COG6: variants seen among roughly 807,000 people sequenced by gnomAD.
COG6 encodes component of oligomeric golgi complex 6.
Under a neutral mutation model 88.8 loss-of-function variants are expected in COG6, and 74 were observed. The observed-to-expected ratio is 0.83, with a 90% confidence interval of 0.69 to 1.01. The LOEUF is 1.01. COG6 is among the 50% of genes least tolerant of loss of function. The probability of loss-of-function intolerance (pLI) is 0.00; values close to 1 mark genes in which losing one functional copy is unlikely to be tolerated. For missense variants in COG6, 800 were observed against 797.9 expected, an observed-to-expected ratio of 1.00 and a Z score of -0.03; for synonymous variants, 286 against 278.7, an observed-to-expected ratio of 1.03 and a Z score of -0.26.
intron 18 of COG6, among the ~76,000 whole-genome samples, chr13:39,770,411 A>C (rs976011795): frequency 3.3e-5 from 5 of 152,230 alleles, no homozygotes; most frequent in Non-Finnish European, 7.3e-5. Flanking sequence ...TGAGGTCCTC[A>C]AAGTTACATG....
At chr13:39,656,636 A>G (rs1289709802) in intron 1 of COG6, among the ~76,000 whole-genome samples, 2 of 152,124 alleles carry the variant, frequency 1.3e-5, no homozygotes, top group Non-Finnish European at 2.9e-5. Context: ...AGAGAGTTTT[A>G]TAGGTGAATA....
At chr13:39,761,091 G>A (rs964381992) in intron 18 of COG6, among the ~76,000 whole-genome samples, 4 of 151,836 alleles carry the variant, frequency 2.6e-5, no homozygotes, top group Non-Finnish European at 4.4e-5. Context: ...TCAACTCTAT[G>A]TATCAATTTG....
At chr13:39,669,394 C>A (rs1011284675) in intron 4 of COG6, among the ~76,000 whole-genome samples, 5 of 152,138 alleles carry the variant, frequency 3.3e-5, no homozygotes, top group Admixed American at 1.3e-4. Flanking sequence ...TTAAACTTTT[C>A]CTGTTCTCAG....
chr13:39,719,370 A>G lies in COG6; in HGVS notation c.1416+3A>G, dbSNP rs780721317. 3.7e-6 allele frequency: 6 copies of G among 1,611,462 alleles called. No homozygotes were observed. Among genetic ancestry groups the G allele is most frequent in the East Asian group, 4.5e-5 (2 of 44,754 alleles). On this transcript the variant is annotated splice_donor_region_variant and intron_variant, in intron 14 of 18. Transcript: ENST00000455146. ...CTCGTCAAGCTGATTTTGTGCAGGT[A>G]TGTTATAAATTCATTTTTAATGATT...
At chr13:39,663,515 A>G (rs1165960638) in intron 3 of COG6, among the ~76,000 whole-genome samples, 4 of 152,206 alleles carry the variant, frequency 2.6e-5, no homozygotes, top group Non-Finnish European at 4.4e-5. Context: ...TTAGCATTTA[A>G]GAAGTATGAG....
chr13:39,781,777 C>T (rs1047344663), intron 18 of COG6, among the ~76,000 whole-genome samples: 1 of 152,128 alleles, frequency 6.6e-6, no homozygotes, highest in African/African-American at 2.4e-5. Context: ...CCAAGTCCCT[C>T]CATGGTGCCT....
At chr13:39,763,109 C>G (rs1474398976) in intron 18 of COG6, among the ~76,000 whole-genome samples, 2 of 151,700 alleles carry the variant, frequency 1.3e-5, no homozygotes, top group Non-Finnish European at 3.0e-5. Context: ...CATTAAATCA[C>G]TCTTGCATTC....
rs550733008 is a variant in COG6, at chr13:39,672,300, C to T, written c.429-5168C>T. On this transcript the variant is annotated intron_variant, in intron 4 of 18. Coordinates refer to ENST00000455146, the MANE Select transcript of COG6 (RefSeq NM_020751.3). The stretch of plus-strand genomic sequence containing the variant: ...AACATCTTTGTTGAGATATAATTCA[C>T]ATATCATAAAATTAAAGTATATAGT... Among the ~76,000 whole-genome samples, 4 of 152,016 alleles carry T rather than the reference C, an allele frequency of 2.6e-5. No individual in the cohort carries two copies. In the South Asian group the frequency reaches 8.3e-4, roughly 32 times the overall value.
intron 18 of COG6, among the ~76,000 whole-genome samples, chr13:39,743,696 T>G (rs1345759853): frequency 1.3e-5 from 2 of 152,100 alleles, no homozygotes; most frequent in Non-Finnish European, 2.9e-5. Context: ...GCTGGTACCA[T>G]CCATTCTGAA....
chr13:39,718,374 G>C (rs1878651851), intron 13 of COG6, among the ~76,000 whole-genome samples: 1 of 151,996 alleles, frequency 6.6e-6, no homozygotes, highest in Non-Finnish European at 1.5e-5. Context: ...TCTTCTAAGT[G>C]CTATTTTTAA....
At chr13:39,686,287 A>C (rs964076541) in intron 8 of COG6, among the ~76,000 whole-genome samples, 1 of 152,140 alleles carries the variant, frequency 6.6e-6, no homozygotes, top group East Asian at 1.9e-4. Context: ...TTTTCTTTAT[A>C]CTTTTAAAAT....
intron 18 of COG6, among the ~76,000 whole-genome samples, chr13:39,777,187 G>A (rs1473522106): frequency 6.6e-6 from 1 of 152,162 alleles, no homozygotes; most frequent in African/African-American, 2.4e-5. Flanking sequence ...TAATGTAGTA[G>A]GGGAGATAAG....
At chr13:39,724,438 TA>T in intron 16 of COG6, 69 bp from the exon 17 acceptor site, 1 of 1,190,670 alleles carries the variant, frequency 8.4e-7, no homozygotes, top group South Asian at 1.3e-5. Context: ...CTATATTCAG[TA>T]AGTGAAATGA....
chr13:39,675,111 T>C (rs1380163937), intron 4 of COG6, among the ~76,000 whole-genome samples: 1 of 152,154 alleles, frequency 6.6e-6, no homozygotes, highest in African/African-American at 2.4e-5. Flanking sequence ...TTATATAATA[T>C]ACAGTGATTG....
chr13:39,757,784 C>T (rs921973738), intron 18 of COG6, among the ~76,000 whole-genome samples: 1 of 152,130 alleles, frequency 6.6e-6, no homozygotes, highest in Non-Finnish European at 1.5e-5. Context: ...AAACTCCCAA[C>T]AAGAACAAAG....
intron 4 of COG6, among the ~76,000 whole-genome samples, chr13:39,674,795 A>G (rs1055204799): frequency 9.2e-5 from 14 of 152,126 alleles, no homozygotes; most frequent in African/African-American, 3.1e-4. Flanking sequence ...TGCTATATAC[A>G]CCACCACTCA....
At chr13:39,754,255 A>G (rs1027753869), downstream of COG6, among the ~76,000 whole-genome samples, 2 of 152,056 alleles carry the variant, frequency 1.3e-5, no homozygotes, top group Non-Finnish European at 2.9e-5. Context: ...TGTTACTTCA[A>G]CCTTTTCTAT....
At chr13:39,756,183 G>GTTATAA (rs529479660), downstream of COG6, among the ~76,000 whole-genome samples, 217 of 152,156 alleles carry the variant, frequency 1.4e-3, no homozygotes, top group African/African-American at 4.7e-3. Context: ...AATTTTAAAA[G>GTTATAA]TTTAAAGTTA....
chr13:39,671,264 A>G (rs866606550), intron 4 of COG6, among the ~76,000 whole-genome samples: 1 of 151,970 alleles, frequency 6.6e-6, no homozygotes, highest in African/African-American at 2.4e-5. Context: ...TCTTTGGTTT[A>G]AGTATTTTAA....
Sources: allele counts gnomAD v4.1 joint callset (sites outside exome capture counted in the v4.1 genomes callset), GRCh38; gene constraint gnomAD v4.1.1; transcripts MANE v1.5; gene names NCBI Gene and HGNC (gene_info 2026-07-23, HGNC 2026-07-21).